Variants in ARID1B observed in about 807,000 individuals in gnomAD.
The protein encoded by ARID1B is AT-rich interaction domain 1B, also known as AT-rich interactive domain-containing protein 1B.
A neutral mutation model predicts 212.3 loss-of-function variants in ARID1B; 30 were observed. The observed-to-expected ratio is 0.14, with a 90% confidence interval of 0.11 to 0.19. The LOEUF (loss-of-function observed/expected upper bound fraction) is 0.19. ARID1B is among the 10% of genes least tolerant of loss of function. The pLI is 1.00. For synonymous variants in ARID1B, 1,402 were observed against 1,301.7 expected (o/e 1.08, Z -1.66); for missense variants, 2,891 against 3,204.0 (o/e 0.90, Z 2.36).
At chr6:156,914,635 C>T (rs1233886998) in intron 3 of ARID1B, among the ~76,000 whole-genome samples, 6 of 152,198 alleles carry the variant, frequency 3.9e-5, no homozygotes, top group Non-Finnish European at 7.4e-5. Context: ...AGACTTGTGA[C>T]TTTCATATGT....
At chr6:156,944,098 C>T (rs1792877383) in intron 4 of ARID1B, among the ~76,000 whole-genome samples, 1 of 152,130 alleles carries the variant, frequency 6.6e-6, no homozygotes, top group Admixed American at 6.5e-5. Context: ...AACTCTAGCA[C>T]CTTCTAGCTC....
chr6:157,083,251 T>C (rs1471803169), intron 4 of ARID1B, among the ~76,000 whole-genome samples: 1 of 152,094 alleles, frequency 6.6e-6, no homozygotes, highest in Non-Finnish European at 1.5e-5. Flanking sequence ...GAATATGCTT[T>C]GTAAACAGTA....
chr6:156,916,129 A>G (rs1790334847), intron 3 of ARID1B, among the ~76,000 whole-genome samples: 1 of 152,228 alleles, frequency 6.6e-6, no homozygotes, highest in Non-Finnish European at 1.5e-5. Context: ...GATGTGTTAC[A>G]ATGATGGAAC....
intron 6 of ARID1B, among the ~76,000 whole-genome samples, chr6:157,117,061 G>T (rs1320437029): frequency 6.6e-6 from 1 of 152,044 alleles, no homozygotes; most frequent in African/African-American, 2.4e-5. Flanking sequence ...TCTCATCTTT[G>T]GAATCTGATG....
At chr6:157,192,958 G>C (rs1793486882) in intron 15 of ARID1B, among the ~76,000 whole-genome samples, 1 of 152,148 alleles carries the variant, frequency 6.6e-6, no homozygotes, top group South Asian at 2.1e-4. Flanking sequence ...GCTGCTGGTG[G>C]TGTTAACCTG....
At chr6:157,072,786 C>G (rs1233390662) in intron 4 of ARID1B, among the ~76,000 whole-genome samples, 1 of 152,094 alleles carries the variant, frequency 6.6e-6, no homozygotes, top group East Asian at 1.9e-4. Flanking sequence ...TTCTCTCAGC[C>G]TCTTTGAGAC....
chr6:156,966,034 A>T (rs1395967487), intron 4 of ARID1B, among the ~76,000 whole-genome samples: 1 of 152,216 alleles, frequency 6.6e-6, no homozygotes, highest in African/African-American at 2.4e-5. Context: ...AGGGACCACA[A>T]GTTCTCATAG....
chr6:156,930,686 C>T (rs1345900421), intron 3 of ARID1B, among the ~76,000 whole-genome samples: 1 of 151,982 alleles, frequency 6.6e-6, no homozygotes. Flanking sequence ...GTTACTCCAC[C>T]TACAAATAAT....
intron 2 of ARID1B, among the ~76,000 whole-genome samples, chr6:156,842,238 G>A: frequency 6.6e-6 from 1 of 152,114 alleles, no homozygotes; most frequent in East Asian, 1.9e-4. Context: ...ACCACCCCCA[G>A]ATGAGACCCC....
chr6:157,070,119 C>T (rs1018733862), intron 4 of ARID1B, among the ~76,000 whole-genome samples: 4 of 151,944 alleles, frequency 2.6e-5, no homozygotes, highest in African/African-American at 9.7e-5. Flanking sequence ...AGTGACACTA[C>T]TGATCATTTT....
chr6:156,988,146 CAAGGATTTAGCTGGA>C (rs1778050516), intron 4 of ARID1B, among the ~76,000 whole-genome samples: 1 of 152,124 alleles, frequency 6.6e-6, no homozygotes, highest in African/African-American at 2.4e-5. Context: ...GATTATTGTT[CAAGGATTTAGCTGGA>C]GACGCACTTA....
chr6:156,998,212 CT>C (rs569837054), intron 4 of ARID1B, among the ~76,000 whole-genome samples: 401 of 137,570 alleles, frequency 2.9e-3, no homozygotes, highest in Admixed American at 3.0e-3. Context: ...ATCTCTCTCT[CT>C]TTTTTTTTTT....
At chr6:157,074,233 T>C (rs974998058) in intron 4 of ARID1B, among the ~76,000 whole-genome samples, 1 of 152,180 alleles carries the variant, frequency 6.6e-6, no homozygotes, top group Non-Finnish European at 1.5e-5. Flanking sequence ...GTTTGTTTGT[T>C]GGTTTGTTTG....
intron 16 of ARID1B, among the ~76,000 whole-genome samples, chr6:157,197,414 T>G (rs1462103271): frequency 6.6e-6 from 1 of 152,206 alleles, no homozygotes; most frequent in East Asian, 1.9e-4. Flanking sequence ...GAAAGCTTCC[T>G]CAGTGTAATA....
At chr6:157,111,948 A>T (rs983512990) in intron 6 of ARID1B, among the ~76,000 whole-genome samples, 3 of 151,908 alleles carry the variant, frequency 2.0e-5, no homozygotes, top group Admixed American at 2.0e-4. Context: ...GACGTTTTAA[A>T]CCTCCATTTT....
chr6:156,967,983 C>G (rs12661846), intron 4 of ARID1B, among the ~76,000 whole-genome samples: 1 of 151,958 alleles, frequency 6.6e-6, no homozygotes. Flanking sequence ...AATTTGTTTC[C>G]TGTTCATTCA....
At chr6:157,075,560 T>A (rs1784249344) in intron 4 of ARID1B, among the ~76,000 whole-genome samples, 1 of 152,236 alleles carries the variant, frequency 6.6e-6, no homozygotes, top group South Asian at 2.1e-4. Context: ...GGGCTGGACT[T>A]AGTGACTCCC....
chr6:157,208,879 A>G lies in ARID1B; in HGVS notation c.*988A>G, dbSNP rs1794644401. 4.4e-6 allele frequency: 1 copy of G among 224,846 alleles called. No individual in the cohort carries two copies. The highest frequency in any genetic ancestry group is 8.8e-6 in the Non-Finnish European group (1 of 113,746). 13.9% of individuals were successfully genotyped at this position (224,846 alleles called of 1,614,324 possible). A position where few individuals can be genotyped will look rare whatever the true frequency, so the allele number is the denominator to read the frequency against. On this transcript the variant is annotated 3_prime_UTR_variant, in exon 20 of 20. Coordinates refer to ENST00000636930, the MANE Select transcript of ARID1B (RefSeq NM_001374828.1). ...AGAAAAAATACAAAAAACAAAAACA[A>G]AAAAAAAAGAGGGTAATGTACAAGT...
intron 1 of ARID1B, among the ~76,000 whole-genome samples, chr6:156,828,660 T>C (rs1023619756): frequency 1.3e-5 from 2 of 152,186 alleles, no homozygotes; most frequent in African/African-American, 4.8e-5. Context: ...ATAGTCTGAG[T>C]GCTCATCCCT....
Sources: allele counts gnomAD v4.1 joint callset (sites outside exome capture counted in the v4.1 genomes callset), GRCh38; gene constraint gnomAD v4.1.1; transcripts MANE v1.5; gene names NCBI Gene and HGNC (gene_info 2026-07-23, HGNC 2026-07-21).